MYLIP: variants seen among roughly 807,000 people sequenced by gnomAD.
The protein encoded by MYLIP is E3 ubiquitin-protein ligase MYLIP.
A neutral mutation model predicts 45.8 loss-of-function variants in MYLIP; 26 were observed. That is an observed-to-expected ratio of 0.57 (90% CI 0.42 to 0.79). The LOEUF (loss-of-function observed/expected upper bound fraction) is 0.79. Ranked by LOEUF, MYLIP falls within the 30% of genes least tolerant of loss-of-function variation. The pLI, the probability that MYLIP is intolerant of heterozygous loss-of-function variation, is 0.00. For synonymous variants in MYLIP, 213 were observed against 218.1 expected, an observed-to-expected ratio of 0.98 and a Z score of 0.21; for missense variants, 494 against 555.6, an observed-to-expected ratio of 0.89 and a Z score of 1.11.
At chr6:16,159,374 CTG>C in the MYLIP span, among the ~76,000 whole-genome samples, 1 of 152,168 alleles carries the variant, frequency 6.6e-6, no homozygotes, top group Non-Finnish European at 1.5e-5. Flanking sequence ...AGTTAGATGA[CTG>C]TTGTTTTAGC....
At chr6:16,160,108 A>G in the MYLIP span, among the ~76,000 whole-genome samples, 236 of 152,290 alleles carry the variant, frequency 1.5e-3, 1 homozygote, top group African/African-American at 4.8e-3. Context: ...TTCTACCACA[A>G]TAGTAAATCC....
intron 2 of MYLIP, 105 bp downstream of exon 2, chr6:16,130,852 G>T: frequency 1.7e-6 from 2 of 1,143,772 alleles, no homozygotes; most frequent in Non-Finnish European, 1.2e-6. Flanking sequence ...GTTTTGATGC[G>T]GAGTTCCATC....
downstream of MYLIP, among the ~76,000 whole-genome samples, chr6:16,150,137 G>C (rs1031981477): frequency 6.6e-6 from 1 of 152,214 alleles, no homozygotes. Context: ...TCCCTGAAAG[G>C]ACCCACATCT....
intron 2 of MYLIP, among the ~76,000 whole-genome samples, chr6:16,137,008 G>A (rs903111715): frequency 2.0e-5 from 3 of 152,280 alleles, no homozygotes; most frequent in Admixed American, 6.5e-5. Context: ...CCTTTTATGA[G>A]TAGAAGTTTT....
In MYLIP at chr6:16,144,745, T is replaced by C. The variant is rs547137277; in HGVS notation, c.828-152T>C. 13 of 814,034 alleles carry C rather than the reference T, an allele frequency of 1.6e-5. No homozygotes were observed. In the South Asian group the frequency reaches 2.4e-4, roughly 15 times the overall value. 50.4% of individuals were successfully genotyped at this position (814,034 alleles called of 1,614,324 possible). A position where few individuals can be genotyped will look rare whatever the true frequency, so the allele number is the denominator to read the frequency against. On this transcript the variant is annotated intron_variant, in intron 5 of 6. Transcript: ENST00000356840. ...AACAGAGGTGTAATCACTGAGAATA[T>C]TTACCAGACGTAAAACTGGAAGGAC... is the stretch of plus-strand genomic sequence containing the variant.
At chr6:16,149,395 G>T (rs1759852005), downstream of MYLIP, among the ~76,000 whole-genome samples, 1 of 152,190 alleles carries the variant, frequency 6.6e-6, no homozygotes, top group Admixed American at 6.5e-5. Flanking sequence ...CAGGAGGCAG[G>T]GATTCATTGT....
intron 2 of MYLIP, among the ~76,000 whole-genome samples, chr6:16,131,794 TATC>T: frequency 6.6e-6 from 1 of 152,230 alleles, no homozygotes; most frequent in Non-Finnish European, 1.5e-5. Flanking sequence ...TTGAAATACT[TATC>T]ATTTGAATTT....
chr6:16,137,027 G>C (rs1172714774), intron 2 of MYLIP, among the ~76,000 whole-genome samples: 1 of 152,054 alleles, frequency 6.6e-6, no homozygotes, highest in Non-Finnish European at 1.5e-5. Flanking sequence ...TTTAATTTTG[G>C]TGAAGCCTAA....
At chr6:16,158,691 A>G in the MYLIP span, among the ~76,000 whole-genome samples, 1 of 152,132 alleles carries the variant, frequency 6.6e-6, no homozygotes, top group Admixed American at 6.5e-5. Context: ...ATACATGTTC[A>G]ACCCCGTCTC....
chr6:16,149,933 G>A (rs16877674), downstream of MYLIP, among the ~76,000 whole-genome samples: 695 of 152,316 alleles, frequency 4.6e-3, 6 homozygotes, highest in African/African-American at 0.016. Flanking sequence ...ACAGGGTTTG[G>A]CCACACATTT....
the MYLIP span, among the ~76,000 whole-genome samples, chr6:16,156,264 A>C: frequency 6.6e-6 from 1 of 152,208 alleles, no homozygotes; most frequent in Non-Finnish European, 1.5e-5. Context: ...TTTGAGCCAC[A>C]GGATTGGGCT....
At chr6:16,160,250 A>C in the MYLIP span, among the ~76,000 whole-genome samples, 1 of 152,220 alleles carries the variant, frequency 6.6e-6, no homozygotes, top group African/African-American at 2.4e-5. Flanking sequence ...CAAAGAGTGA[A>C]TATTACTGTG....
the MYLIP span, among the ~76,000 whole-genome samples, chr6:16,153,714 C>T: frequency 1.3e-5 from 2 of 152,106 alleles, no homozygotes; most frequent in East Asian, 1.9e-4. Context: ...GGGGAGAGAG[C>T]GCGAGAGCCA....
At position 16,147,649 on chromosome 6, in the gene MYLIP, TC is replaced by T. The variant is rs1284327928; in HGVS notation, c.*901del. On this transcript the variant is annotated 3_prime_UTR_variant, in exon 7 of 7. Transcript: ENST00000356840. ...CTCATCACTTCTCCCAAGCACTCGA[TC>T]CCAGCTTCACCCACTGGTGTTGCTT... The T allele has an allele frequency of 2.0e-5, 3 of 152,446 alleles. No individual in the cohort carries two copies. The highest frequency in any genetic ancestry group is 6.5e-5 in the Admixed American group (1 of 15,298). 9.4% of individuals were successfully genotyped at this position (152,446 alleles called of 1,614,324 possible).
At chr6:16,135,488 A>G (rs1239197721) in intron 2 of MYLIP, among the ~76,000 whole-genome samples, 1 of 152,052 alleles carries the variant, frequency 6.6e-6, no homozygotes, top group Non-Finnish European at 1.5e-5. Flanking sequence ...GGCTTTGAAA[A>G]GGATCTCCTT....
chr6:16,142,313 AT>A (rs1304249703), intron 3 of MYLIP, among the ~76,000 whole-genome samples: 1 of 152,220 alleles, frequency 6.6e-6, no homozygotes, highest in African/African-American at 2.4e-5. Flanking sequence ...TAAAATGGGA[AT>A]TTTTTAAATC....
chr6:16,131,281 T>C (rs904242216), intron 2 of MYLIP, among the ~76,000 whole-genome samples: 3 of 152,250 alleles, frequency 2.0e-5, no homozygotes, highest in African/African-American at 7.2e-5. Flanking sequence ...GTTTTTAAGT[T>C]TCTTGAAAAT....
the MYLIP span, among the ~76,000 whole-genome samples, chr6:16,154,155 C>CT: frequency 6.6e-5 from 10 of 151,938 alleles, no homozygotes; most frequent in South Asian, 1.7e-3. Context: ...ATTAATTTTT[C>CT]TTTTTTTTAA....
chr6:16,130,611 G>T lies in MYLIP; in HGVS notation c.142G>T (p.Gly48Cys), dbSNP rs776061148. The T allele has an allele frequency of 6.2e-6, 10 of 1,614,182 alleles. No individual in the cohort carries two copies. The highest frequency in any genetic ancestry group is 8.5e-6 in the Non-Finnish European group (10 of 1,180,028). ...TGACTATTTTGGACTGCAGTTTACG[G>T]GTAGCAAAGGTGAAAGTTTATGGCT... ...EVDYFGLQFT[G>C]SKGESLWLNL... is the part of the protein sequence containing the mutation. Residue 48 changes from glycine (G) to cysteine (C), a missense_variant, in exon 2 of 7, where the codon GGT (glycine) becomes TGT (cysteine). Physicochemically the swap from Gly to Cys is radical, Grantham distance 159 (BLOSUM62 -3). Transcript: ENST00000356840.
Sources: gnomAD v4.1 joint callset for allele counts (sites outside exome capture counted in the v4.1 genomes callset) on GRCh38, gnomAD v4.1.1 for gene constraint, MANE v1.5 for transcripts, NCBI Gene and HGNC (gene_info 2026-07-23, HGNC 2026-07-21) for gene names.